The following MUCL3 variants were observed in gnomAD, a reference collection of about 807,000 sequenced individuals.
The protein encoded by MUCL3 is mucin-like protein 3.
A neutral mutation model predicts 70.2 loss-of-function variants in MUCL3; 42 were observed. The ratio of observed to expected loss-of-function variants is 0.60; its 90% CI spans 0.47 to 0.77. MUCL3 has a LOEUF of 0.77. MUCL3 is among the 30% of genes least tolerant of loss of function. The probability of loss-of-function intolerance (pLI) is 0.00; values close to 1 mark genes in which losing one functional copy is unlikely to be tolerated. For synonymous variants in MUCL3, 522 were observed against 647.0 expected, an observed-to-expected ratio of 0.81 and a Z score of 2.93; for missense variants, 1,429 against 1,670.0, an observed-to-expected ratio of 0.86 and a Z score of 2.52.
At position 30,948,841 on chromosome 6, in the gene MUCL3, G is replaced by C. The variant is rs1233339837; in HGVS notation, c.377G>C (p.Ser126Thr). 6.4e-7 allele frequency: 1 copy of C among 1,551,500 alleles called. No individual in the cohort carries two copies. The highest frequency in any genetic ancestry group is 2.4e-5 in the East Asian group (1 of 40,934). ...EAPPTSEENS[S>T]NQGKDPMIRN... ...CCTCCCACTTCTGAAGAAAACTCCA[G>C]CAACCAAGGGAAAGACCCAATGATC... is the stretch of plus-strand genomic sequence containing the variant. The change falls in exon 2 of 3, where the codon AGC becomes ACC. Residue 126 changes from serine to threonine, a missense_variant. Coordinates refer to ENST00000462446, the MANE Select transcript of MUCL3 (RefSeq NM_080870.4).
At chr6:30,947,024 G>A (rs961035226) in intron 1 of MUCL3, among the ~76,000 whole-genome samples, 4 of 152,066 alleles carry the variant, frequency 2.6e-5, no homozygotes, top group Admixed American at 6.5e-5. Flanking sequence ...CTTTTCCTCC[G>A]TGAAATGTAA....
rs868580749 is a variant in MUCL3, at chr6:30,951,697, T to G, written c.3233T>G (p.Leu1078Arg). 1.7e-5 allele frequency: 26 copies of G among 1,547,538 alleles called. No individual in the cohort carries two copies. Among genetic ancestry groups the G allele is most frequent in the Admixed American group, 2.0e-5 (1 of 50,502 alleles). The part of the protein sequence containing the change: ...KTTLANEKIT[L>R]SPEGPTEHGA... ...ACATTGGCCAATGAGAAGATCACAC[T>G]ATCCCCAGAAGGGCCTACAGAACAT... is the stretch of plus-strand genomic sequence containing the variant. Residue 1078 changes from leucine to arginine, a missense_variant, in exon 2 of 3, where the codon CTA becomes CGA. Physicochemically the swap from Leu to Arg is moderately radical, Grantham distance 102 (BLOSUM62 -2). Transcript: ENST00000462446.
chr6:30,952,206 G>A lies in MUCL3; in HGVS notation c.3742G>A (p.Val1248Ile), dbSNP rs201694765. 2.2e-5 allele frequency: 35 copies of A among 1,613,842 alleles called. No individual in the cohort carries two copies. Among genetic ancestry groups the A allele is most frequent in the Non-Finnish European group, 2.7e-5 (32 of 1,180,028 alleles). Residue 1248 changes from valine to isoleucine, a missense_variant, in exon 2 of 3, where the codon GTC becomes ATC. Physicochemically the swap from Val to Ile is conservative, Grantham distance 29. Transcript: ENST00000462446. ...VTKTIKPSVK[V>I]TGDKSLTTTS... ...AAAGACTATAAAACCTTCAGTCAAG[G>A]TCACAGGAGACAAATCTCTCACTAC... is the stretch of plus-strand genomic sequence containing the variant.
Position 30,950,862 on chromosome 6 carries a change from G to C in MUCL3, c.2398G>C (p.Glu800Gln). The change falls in exon 2 of 3, where the codon GAG becomes CAG. Residue 800 changes from glutamate to glutamine, a missense_variant. Physicochemically the swap from Glu to Gln is conservative, Grantham distance 29. Coordinates refer to ENST00000462446, the MANE Select transcript of MUCL3 (RefSeq NM_080870.4). ...ANEKTTSSSA[E>Q]PTEHAERTPL... is the part of the protein sequence containing the mutation. ...TGAGAAGACCACATCATCCTCAGCA[G>C]AGCCTACAGAACACGCAGAAAGGAC... The C allele has an allele frequency of 1.3e-6, 2 of 1,548,270 alleles. No homozygotes were observed. The highest frequency in any genetic ancestry group is 1.7e-6 in the Non-Finnish European group (2 of 1,146,610).
Position 30,950,172 on chromosome 6 carries a change from A to G in MUCL3, c.1708A>G (p.Asn570Asp). ...AAATGGAGACAGGACTCCTTTGGCC[A>G]ATGAGAAGACCACGCCATCTCTAGC... ...TENGDRTPLA[N>D]EKTTPSLAEP... The change falls in exon 2 of 3, where the codon AAT (asparagine) becomes GAT (aspartate). Residue 570 changes from asparagine to aspartate, a missense_variant. Asn to Asp is a conservative substitution (Grantham distance 23). Transcript: ENST00000462446. 6.4e-7 allele frequency: 1 copy of G among 1,550,778 alleles called. No homozygotes were observed. Among genetic ancestry groups the G allele is most frequent in the Non-Finnish European group, 8.7e-7 (1 of 1,146,908 alleles).
intron 1 of MUCL3, among the ~76,000 whole-genome samples, chr6:30,941,704 C>T (rs943052198): frequency 1.3e-5 from 2 of 151,984 alleles, no homozygotes; most frequent in Admixed American, 6.6e-5. Flanking sequence ...TCAAGTGATC[C>T]GCCTGCCTCG....
Position 30,951,387 on chromosome 6 carries a change from C to G in MUCL3, c.2923C>G (p.Pro975Ala), listed in dbSNP as rs1442997102. The change falls in exon 2 of 3, where the codon CCA becomes GCA. Residue 975 changes from proline to alanine, a missense_variant. Pro to Ala is a conservative substitution (Grantham distance 27). Coordinates refer to ENST00000462446, the MANE Select transcript of MUCL3 (RefSeq NM_080870.4). Reference sequence around the variant, plus strand: ...AACGACAGTCAATGAGGACACCACACCATCCTCAGCAGAGCCTACAGAAAA... The same window carrying G: ...AACGACAGTCAATGAGGACACCACAGCATCCTCAGCAGAGCCTACAGAAAA... ...GETTVNEDTT[P>A]SSAEPTENGE... 5.2e-6 allele frequency: 8 copies of G among 1,543,960 alleles called. No homozygotes were observed. Among genetic ancestry groups the G allele is most frequent in the Non-Finnish European group, 7.0e-6 (8 of 1,143,512 alleles).
chr6:30,948,171 G>A (rs1357728417), intron 1 of MUCL3, among the ~76,000 whole-genome samples: 2 of 152,184 alleles, frequency 1.3e-5, no homozygotes, highest in Non-Finnish European at 2.9e-5. Context: ...AGTGGAGGTC[G>A]GCAGGCACGC....
At chr6:30,952,663 A>G in intron 2 of MUCL3, 164 bp downstream of exon 2, 1 of 844,942 alleles carries the variant, frequency 1.2e-6, no homozygotes, top group African/African-American at 1.7e-5. Context: ...AAGGAGAAAG[A>G]CAATAAATAC....
chr6:30,942,985 C>T (rs540537001), intron 1 of MUCL3, among the ~76,000 whole-genome samples: 1 of 152,100 alleles, frequency 6.6e-6, no homozygotes, highest in South Asian at 2.1e-4. Flanking sequence ...GAGTGGGTTA[C>T]AGGTGGGGAG....
intron 1 of MUCL3, 31 bp downstream of exon 1, chr6:30,941,112 G>A: frequency 6.5e-7 from 1 of 1,546,130 alleles, no homozygotes; most frequent in Non-Finnish European, 8.7e-7. Context: ...ACAGAAGACA[G>A]AAACAGCTTG....
chr6:30,941,177 C>A, intron 1 of MUCL3, 96 bp downstream of exon 1: 1 of 1,411,060 alleles, frequency 7.1e-7, no homozygotes, highest in Non-Finnish European at 9.6e-7. Flanking sequence ...AGGGGGCGGG[C>A]ACGGGGCTGC....
In MUCL3 at chr6:30,950,775, G is replaced by T; in HGVS notation, c.2311G>T (p.Glu771Ter). 2 of 1,548,446 alleles carry T rather than the reference G, an allele frequency of 1.3e-6. No individual in the cohort carries two copies. The highest frequency in any genetic ancestry group is 2.4e-5 in the South Asian group (2 of 83,936). ...ENGDRTPLAN[E>*]KTTPSLAEPT... Reference sequence around the variant, plus strand: ...TGGAGACAGGACTCCATTGGCCAATGAGAAGACCACACCATCTCTAGCAGA... The same window carrying T: ...TGGAGACAGGACTCCATTGGCCAATTAGAAGACCACACCATCTCTAGCAGA... Residue 771 changes from glutamate to a stop codon, truncating the protein, a stop_gained, in exon 2 of 3, where the codon GAG (glutamate) becomes TAG (stop). Transcript: ENST00000462446. LOFTEE classifies it high-confidence loss of function.
Position 30,948,918 on chromosome 6 carries a change from T to A in MUCL3, c.454T>A (p.Ser152Thr). The change falls in exon 2 of 3, where the codon TCC becomes ACC. Residue 152 changes from serine (S) to threonine (T), a missense_variant. Transcript: ENST00000462446. ...PADSTTTHKE[S>T]AGKKHITPAP... ...TGACTCCACTACCACACATAAAGAATCCGCTGGAAAAAAACATATAACGCC... is the reference window on the plus strand; with the variant it reads ...TGACTCCACTACCACACATAAAGAAACCGCTGGAAAAAAACATATAACGCC... The A allele has an allele frequency of 4.5e-6, 7 of 1,550,136 alleles. No homozygotes were observed. The highest frequency in any genetic ancestry group is 6.1e-6 in the Non-Finnish European group (7 of 1,146,634).
At chr6:30,952,562 G>C in intron 2 of MUCL3, 63 bp downstream of exon 2, 1 of 1,499,846 alleles carries the variant, frequency 6.7e-7, no homozygotes, top group Non-Finnish European at 8.9e-7. Context: ...GATACATTAG[G>C]GGTCAGAGTT....
intron 1 of MUCL3, 84 bp from the exon 2 acceptor site, chr6:30,948,463 G>C (rs1433780374): frequency 1.9e-6 from 2 of 1,074,408 alleles, no homozygotes; most frequent in Non-Finnish European, 2.6e-6. Flanking sequence ...GGGGAACAAA[G>C]AGATCCCCTA....
At position 30,952,275 on chromosome 6, in the gene MUCL3, C is replaced by T. The variant is rs1330227647; in HGVS notation, c.3811C>T (p.Pro1271Ser). ...LNKTEVTHQV[P>S]TGSFTLITSR... ...TAAAACTGAAGTTACTCATCAGGTG[C>T]CCACTGGTTCTTTCACCCTCATTAC... The change falls in exon 2 of 3, where the codon CCC becomes TCC. Residue 1271 changes from proline (P) to serine (S), a missense_variant. Physicochemically the swap from Pro to Ser is moderately conservative, Grantham distance 74. Transcript: ENST00000462446. 1 of 1,613,978 alleles carries T rather than the reference C, an allele frequency of 6.2e-7. No individual in the cohort carries two copies. The highest frequency in any genetic ancestry group is 1.3e-5 in the African/African-American group (1 of 75,032).
chr6:30,945,399 G>A (rs548488156), intron 1 of MUCL3, among the ~76,000 whole-genome samples: 19 of 151,160 alleles, frequency 1.3e-4, no homozygotes, highest in South Asian at 1.3e-3. Context: ...AATATTTTAG[G>A]AGGCTGAGAT....
rs1161058683 is a variant in MUCL3, at chr6:30,941,433, TTTCTTCTTC to T, written c.82+370_82+378del. The stretch of plus-strand genomic sequence containing the variant: ...ATTCACAGCTGCTCATGGTGATTTC[TTTCTTCTTC>T]TTCTTCTTCTTCTTCTTTTTTTTTT... On this transcript the variant is annotated intron_variant, in intron 1 of 2. Coordinates refer to ENST00000462446, the MANE Select transcript of MUCL3 (RefSeq NM_080870.4). Among the ~76,000 whole-genome samples the T allele has an allele frequency of 7.0e-4, 95 of 135,428 alleles. 1 individual carries two copies. Among genetic ancestry groups the T allele is most frequent in the Admixed American group, 3.8e-3 (51 of 13,584 alleles). 88.8% of individuals were successfully genotyped at this position (135,428 alleles called of 152,430 possible). A position where few individuals can be genotyped will look rare whatever the true frequency, so the allele number is the denominator to read the frequency against.
Sources: gnomAD v4.1 joint callset for allele counts (sites outside exome capture counted in the v4.1 genomes callset) on GRCh38, gnomAD v4.1.1 for gene constraint, MANE v1.5 for transcripts, NCBI Gene and HGNC (gene_info 2026-07-23, HGNC 2026-07-21) for gene names.